Variants in JARID2 observed in about 807,000 individuals in gnomAD.
JARID2 encodes jumonji and AT-rich interaction domain containing 2, also known as protein Jumonji.
A neutral mutation model predicts 125.6 loss-of-function variants in JARID2; 21 were observed. The ratio of observed to expected loss-of-function variants is 0.17; its 90% confidence interval spans 0.12 to 0.24. JARID2 has a LOEUF of 0.24. JARID2 is among the 10% of genes least tolerant of loss of function. JARID2 has a pLI of 1.00. For missense variants in JARID2, 1,303 were observed against 1,639.6 expected (o/e 0.79, Z 3.55); for synonymous variants, 736 against 661.6 (o/e 1.11, Z -1.73).
intron 5 of JARID2, among the ~76,000 whole-genome samples, chr6:15,479,533 C>T (rs1769510681): frequency 6.6e-6 from 1 of 152,190 alleles, no homozygotes; most frequent in Admixed American, 6.5e-5. Flanking sequence ...TTAAGTTCTT[C>T]TATAGAAAAG....
chr6:15,404,506 A>G (rs950093736), intron 2 of JARID2, among the ~76,000 whole-genome samples: 2 of 144,236 alleles, frequency 1.4e-5, no homozygotes, highest in African/African-American at 2.6e-5. Flanking sequence ...TAATTTTTCT[A>G]TCATCTTAAA....
intron 1 of JARID2, among the ~76,000 whole-genome samples, chr6:15,366,524 G>C (rs1421625177): frequency 7.2e-6 from 1 of 138,908 alleles, no homozygotes; most frequent in Non-Finnish European, 1.6e-5. Flanking sequence ...GGGGCGGGGG[G>C]GGTGGGGGGT....
At chr6:15,273,031 G>A (rs1312497536) in intron 1 of JARID2, among the ~76,000 whole-genome samples, 1 of 152,070 alleles carries the variant, frequency 6.6e-6, no homozygotes, top group African/African-American at 2.4e-5. Context: ...ACAAAATAAA[G>A]CCTAGTAAGT....
intron 1 of JARID2, among the ~76,000 whole-genome samples, chr6:15,321,353 T>C (rs1047003990): frequency 9.9e-5 from 15 of 152,264 alleles, no homozygotes; most frequent in Admixed American, 2.6e-4. Flanking sequence ...TATGAACTAA[T>C]GAACTCACAT....
intron 3 of JARID2, among the ~76,000 whole-genome samples, chr6:15,422,837 G>A (rs1766558735): frequency 6.6e-6 from 1 of 152,126 alleles, no homozygotes; most frequent in South Asian, 2.1e-4. Context: ...TCTGTTTTGG[G>A]ATTATAAAAC....
chr6:15,414,389 G>A (rs1002687112), intron 3 of JARID2, among the ~76,000 whole-genome samples: 3 of 152,170 alleles, frequency 2.0e-5, no homozygotes, highest in Non-Finnish European at 4.4e-5. Context: ...TGTATTTACT[G>A]CCAGTGCCTT....
intron 1 of JARID2, among the ~76,000 whole-genome samples, chr6:15,279,547 A>T (rs776420709): frequency 1.3e-4 from 20 of 152,218 alleles, no homozygotes; most frequent in Non-Finnish European, 2.2e-4. Context: ...GCTAATTTAT[A>T]AAAGCCTTTA....
intron 2 of JARID2, among the ~76,000 whole-genome samples, chr6:15,386,223 A>G (rs572806143): frequency 2.7e-5 from 4 of 150,916 alleles, no homozygotes; most frequent in African/African-American, 9.8e-5. Flanking sequence ...CCAGATAGCT[A>G]TCTCTCCCTC....
At chr6:15,353,522 A>G (rs927954200) in intron 1 of JARID2, among the ~76,000 whole-genome samples, 7 of 152,246 alleles carry the variant, frequency 4.6e-5, no homozygotes, top group African/African-American at 9.6e-5. Context: ...CTGAACAACA[A>G]CAGCAAAATT....
At chr6:15,484,269 G>A (rs1769760015) in intron 5 of JARID2, among the ~76,000 whole-genome samples, 1 of 152,212 alleles carries the variant, frequency 6.6e-6, no homozygotes, top group African/African-American at 2.4e-5. Context: ...ACTGGCAAGT[G>A]TTAGGAGGCA....
chr6:15,326,080 C>T (rs1313752708), intron 1 of JARID2, among the ~76,000 whole-genome samples: 3 of 151,820 alleles, frequency 2.0e-5, no homozygotes, highest in African/African-American at 7.3e-5. Context: ...TATATGAAAC[C>T]CAGGTAAACA....
At chr6:15,365,454 G>C (rs1219621707) in intron 1 of JARID2, among the ~76,000 whole-genome samples, 1 of 152,182 alleles carries the variant, frequency 6.6e-6, no homozygotes, top group Admixed American at 6.5e-5. Flanking sequence ...CTGCTGCCTT[G>C]ACGACGGCGG....
intron 1 of JARID2, among the ~76,000 whole-genome samples, chr6:15,367,336 C>A (rs1432518745): frequency 6.6e-6 from 1 of 152,124 alleles, no homozygotes; most frequent in Admixed American, 6.5e-5. Flanking sequence ...ATAATAAAAA[C>A]CAAGGTATGA....
In JARID2 at chr6:15,304,699, C is replaced by T. The variant is rs549113947; in HGVS notation, c.45+58115C>T. On this transcript the variant is annotated intron_variant, in intron 1 of 17. Coordinates refer to ENST00000341776, the MANE Select transcript of JARID2 (RefSeq NM_004973.4). The stretch of plus-strand genomic sequence containing the variant: ...AATCCACCCATAGGCTGCTCTGTGA[C>T]TCTTAAGGATTTCTGCCCTGCATCC... Among the ~76,000 whole-genome samples, 3 of 152,290 alleles carry T rather than the reference C, an allele frequency of 2.0e-5. No homozygotes were observed. The South Asian group carries it at 6.2e-4, about 32-fold the overall frequency.
At chr6:15,350,730 G>GTTTTTTTTT (rs538674872) in intron 1 of JARID2, among the ~76,000 whole-genome samples, 1 of 130,416 alleles carries the variant, frequency 7.7e-6, no homozygotes, top group African/African-American at 2.8e-5. Context: ...ATAGTTTAAG[G>GTTTTTTTTT]TTTTTTTTTT....
rs571729397 is a variant in JARID2, at chr6:15,430,819, G to C, written c.323+20454G>C. The stretch of plus-strand genomic sequence containing the variant: ...GCTTTGAGTAACTGCACATGATCCA[G>C]ACCAGTCTTGGGGTACTTTATTATT... On this transcript the variant is annotated intron_variant, in intron 3 of 17. Coordinates refer to ENST00000341776, the MANE Select transcript of JARID2 (RefSeq NM_004973.4). 2.6e-4 allele frequency among the ~76,000 whole-genome samples: 39 copies of C among 152,308 alleles called. 1 individual carries two copies. In the East Asian group the frequency reaches 7.1e-3, roughly 28 times the overall value.
intron 1 of JARID2, among the ~76,000 whole-genome samples, chr6:15,289,831 G>C (rs1454231305): frequency 6.6e-6 from 1 of 152,180 alleles, no homozygotes. Context: ...GGGTGAGAGA[G>C]TGAGACTCTG....
intron 7 of JARID2, 44 bp from the exon 8 acceptor site, chr6:15,500,863 C>T (rs1770701121): frequency 6.5e-7 from 1 of 1,534,396 alleles, no homozygotes; most frequent in African/African-American, 1.4e-5. Flanking sequence ...TTGTTCGTGT[C>T]TCTTTCACTA....
chr6:15,404,566 CACACACAG>C (rs1765574942), intron 2 of JARID2, among the ~76,000 whole-genome samples: 1 of 108,954 alleles, frequency 9.2e-6, no homozygotes, highest in Non-Finnish European at 2.0e-5. Context: ...CACACACACA[CACACACAG>C]AAATTGCTGC....
Sources: allele counts gnomAD v4.1 joint callset (sites outside exome capture counted in the v4.1 genomes callset), GRCh38; gene constraint gnomAD v4.1.1; transcripts MANE v1.5; gene names NCBI Gene and HGNC (gene_info 2026-07-23, HGNC 2026-07-21).